Variants in MVP observed in about 807,000 individuals in gnomAD.
The protein encoded by MVP is major vault protein, also known as lung resistance-related protein.
MVP carries 62 observed loss-of-function variants against 83.5 expected under a neutral mutation model. That is an observed-to-expected ratio of 0.74 (90% confidence interval 0.61 to 0.92). MVP has a LOEUF of 0.92. Ranked by LOEUF, MVP falls within the 40% of genes least tolerant of loss-of-function variation. MVP has a pLI of 0.00. For missense variants in MVP, 1,000 were observed against 1,203.4 expected (o/e 0.83, Z 2.50); for synonymous variants, 505 against 504.1 (o/e 1.00, Z -0.02).
intron 2 of MVP, 59 bp downstream of exon 2, chr16:29,830,733 G>A (rs2067435154): frequency 1.9e-6 from 3 of 1,599,688 alleles, no homozygotes; most frequent in Non-Finnish European, 2.6e-6. Flanking sequence ...TGTTTGGCTG[G>A]CATGATGGTC....
At chr16:29,828,554 AT>A (rs891037248) in intron 1 of MVP, among the ~76,000 whole-genome samples, 4 of 151,792 alleles carry the variant, frequency 2.6e-5, no homozygotes, top group African/African-American at 9.7e-5. Flanking sequence ...TAATTTTTGT[AT>A]TTTTAGTAGA....
chr16:29,832,412 C>T (rs527743479), intron 3 of MVP, among the ~76,000 whole-genome samples: 2 of 150,342 alleles, frequency 1.3e-5, no homozygotes, highest in South Asian at 4.2e-4. Flanking sequence ...ATTCTCCTGC[C>T]TCAGCCTCCC....
chr16:29,833,878 C>T (rs2067464226), intron 4 of MVP, 22 bp downstream of exon 4: 1 of 1,614,118 alleles, frequency 6.2e-7, no homozygotes, highest in Non-Finnish European at 8.5e-7. Flanking sequence ...CTCCATAGGG[C>T]TCCCTGCCTT....
intron 13 of MVP, among the ~76,000 whole-genome samples, chr16:29,846,902 G>C (rs981217921): frequency 2.0e-5 from 3 of 152,092 alleles, no homozygotes; most frequent in African/African-American, 7.2e-5. Context: ...AAGAGGCCTA[G>C]TGTGGTGCCT....
chr16:29,830,409 C>T (rs930745748), intron 1 of MVP, 106 bp from the exon 2 acceptor site: 1 of 932,250 alleles, frequency 1.1e-6, no homozygotes, highest in African/African-American at 1.6e-5. Flanking sequence ...AGTGGCCTGG[C>T]TGGAGGAGGT....
At chr16:29,830,161 C>T in intron 1 of MVP, 1 of 177,646 alleles carries the variant, frequency 5.6e-6, no homozygotes, top group Admixed American at 5.5e-5. Flanking sequence ...CTTGCTGTAT[C>T]TCTCCACCGT....
At chr16:29,828,360 A>G (rs2067418002) in intron 1 of MVP, among the ~76,000 whole-genome samples, 1 of 152,002 alleles carries the variant, frequency 6.6e-6, no homozygotes, top group Non-Finnish European at 1.5e-5. Context: ...GCTCTATTGG[A>G]CGCTGCTGAG....
chr16:29,831,198 C>A, intron 3 of MVP, 125 bp downstream of exon 3: 1 of 995,328 alleles, frequency 1.0e-6, no homozygotes, highest in East Asian at 2.6e-5. Flanking sequence ...CTCTTGTCGC[C>A]CAGGCTGGAG....
chr16:29,845,199 GAA>G (rs71373207), intron 11 of MVP, among the ~76,000 whole-genome samples: 4 of 100,948 alleles, frequency 4.0e-5, no homozygotes, highest in Non-Finnish European at 2.2e-5. Context: ...TGTCTCAAAA[GAA>G]AAAAAAAAAA....
intron 10 of MVP, among the ~76,000 whole-genome samples, chr16:29,843,603 A>AGGGC (rs2067556201): frequency 2.5e-5 from 1 of 40,758 alleles, no homozygotes; most frequent in Non-Finnish European, 4.9e-5. Context: ...GGAGGGAGGG[A>AGGGC]GGGTCAGGCG....
intron 3 of MVP, among the ~76,000 whole-genome samples, chr16:29,833,064 CAA>C (rs200615920): frequency 1.8e-4 from 16 of 87,312 alleles, no homozygotes; most frequent in Non-Finnish European, 1.9e-4. Flanking sequence ...GACTCTGTCT[CAA>C]AAAAAAAAAA....
In MVP at chr16:29,842,009, C is replaced by G; in HGVS notation, c.1531C>G (p.Arg511Gly). ...TGGGCGGCCCAAGCGTCCCCATGCC[C>G]GCCGTGCGCTCTGCCTGCTGCTGGG... Reference protein sequence around the residue: ...SAGRPKRPHARRALCLLLGPD... With the variant: ...SAGRPKRPHAGRALCLLLGPD... Residue 511 changes from arginine (R) to glycine (G), a missense_variant, in exon 10 of 15, where the codon CGC becomes GGC. Coordinates refer to ENST00000357402, the MANE Select transcript of MVP (RefSeq NM_005115.5). The G allele has an allele frequency of 6.2e-7, 1 of 1,611,960 alleles. No homozygotes were observed. Among genetic ancestry groups the G allele is most frequent in the Non-Finnish European group, 8.5e-7 (1 of 1,179,984 alleles).
chr16:29,840,958 C>T (rs1337179246), intron 8 of MVP, among the ~76,000 whole-genome samples: 1 of 152,020 alleles, frequency 6.6e-6, no homozygotes, highest in African/African-American at 2.4e-5. Context: ...TTAGCATGTC[C>T]ACTGAGAGGA....
At chr16:29,837,437 G>A (rs546738143) in intron 7 of MVP, among the ~76,000 whole-genome samples, 2 of 152,238 alleles carry the variant, frequency 1.3e-5, no homozygotes, top group Admixed American at 1.3e-4. Flanking sequence ...CCATAGAAAA[G>A]GTAAGGTAAA....
chr16:29,846,407 T>C, intron 13 of MVP, 123 bp downstream of exon 13: 1 of 1,367,126 alleles, frequency 7.3e-7, no homozygotes, highest in South Asian at 1.6e-5. Context: ...CCAAGTACTT[T>C]GCATTTGCAA....
Position 29,840,349 on chromosome 16 carries a change from G to T in MVP, c.1081G>T (p.Gly361Ter). The T allele has an allele frequency of 6.2e-7, 1 of 1,608,022 alleles. No individual in the cohort carries two copies. Residue 361 changes from glycine (G) to a stop codon, truncating the protein, a stop_gained, in exon 8 of 15, where the codon GGA becomes TGA. Coordinates refer to ENST00000357402, the MANE Select transcript of MVP (RefSeq NM_005115.5). LOFTEE classifies it high-confidence loss of function. ...GGCTGGGGACCACTGGCTCATCCGC[G>T]GACCCCTGGAGTATGTGCCATCTGC... ...HQAGDHWLIR[G>*]PLEYVPSAKV...
intron 3 of MVP, chr16:29,831,785 G>T (rs760519287): frequency 2.2e-6 from 1 of 452,128 alleles, no homozygotes; most frequent in Non-Finnish European, 4.4e-6. Context: ...GGCTGTGCCT[G>T]TTCTAGGAGA....
Position 29,844,604 on chromosome 16 carries a change from C to T in MVP, c.1746C>T (p.Ala582=), listed in dbSNP as rs9921989. The T allele has an allele frequency of 4.0e-4, 653 of 1,613,766 alleles. 3 individuals are homozygous for T. The African/African-American group carries it at 5.8e-3, about 14-fold the overall frequency. Residue 582 remains alanine (A), a synonymous_variant, in exon 11 of 15, where the codon GCC becomes GCT. Transcript: ENST00000357402. The part of the protein sequence containing the change: ...CKAIASRVRG[A]VASVTFDDFH... ...CCATCGCATCCCGGGTGCGGGGGGC[C>T]GTGGCCTCTGTCACTTTCGATGACT...
rs773599867 is a variant in MVP, at chr16:29,830,677, G to T, written c.125+3G>T. On this transcript the variant is annotated splice_donor_region_variant and intron_variant, in intron 2 of 14. Transcript: ENST00000357402. ...TACATCCGGCAGGACAATGAGAGGT[G>T]GGTGTGGGGGCTGGGCTGTGGGGGA... is the stretch of plus-strand genomic sequence containing the variant. 5 of 1,613,894 alleles carry T rather than the reference G, an allele frequency of 3.1e-6. No individual in the cohort carries two copies. The highest frequency in any genetic ancestry group is 3.4e-6 in the Non-Finnish European group (4 of 1,179,912).
Sources: gnomAD v4.1 joint callset for allele counts (sites outside exome capture counted in the v4.1 genomes callset) on GRCh38, gnomAD v4.1.1 for gene constraint, MANE v1.5 for transcripts, NCBI Gene and HGNC (gene_info 2026-07-23, HGNC 2026-07-21) for gene names.